FANCC: variants seen among roughly 807,000 people sequenced by gnomAD.
FANCC encodes FA complementation group C.
Under a neutral mutation model 71.3 loss-of-function variants are expected in FANCC, and 55 were observed. The observed-to-expected ratio is 0.77, with a 90% CI of 0.62 to 0.97. The LOEUF (loss-of-function observed/expected upper bound fraction) is 0.97. FANCC is among the 50% of genes least tolerant of loss of function. The pLI is 0.00. For synonymous variants in FANCC, 275 were observed against 244.9 expected (o/e 1.12, Z -1.15); for missense variants, 678 against 670.9 (o/e 1.01, Z -0.12).
chr9:95,255,983 A>G (rs560166714), intron 1 of FANCC, among the ~76,000 whole-genome samples: 87 of 149,400 alleles, frequency 5.8e-4, no homozygotes, highest in African/African-American at 1.8e-3. Context: ...AAGGTTAGAG[A>G]AAAAAAAAAT....
intron 10 of FANCC, among the ~76,000 whole-genome samples, chr9:95,122,047 A>C (rs1395096076): frequency 1.3e-5 from 2 of 151,714 alleles, no homozygotes; most frequent in Non-Finnish European, 2.9e-5. Flanking sequence ...TTTAGTAGAG[A>C]CAGGGTTTCA....
intron 3 of FANCC, among the ~76,000 whole-genome samples, chr9:95,246,995 T>C (rs1428534391): frequency 6.6e-6 from 1 of 152,172 alleles, no homozygotes; most frequent in Non-Finnish European, 1.5e-5. Flanking sequence ...ATTCACACTC[T>C]GAAGAATGAC....
At chr9:95,316,792 C>A (rs909683111) in intron 1 of FANCC, 3 of 152,180 alleles carry the variant, frequency 2.0e-5, no homozygotes, top group African/African-American at 4.8e-5. Context: ...GTAAACGCAC[C>A]CACCTAAAAA....
chr9:95,295,344 CCAAAACAAAACAAAAAA>C (rs1834299878), intron 1 of FANCC, among the ~76,000 whole-genome samples: 1 of 151,890 alleles, frequency 6.6e-6, no homozygotes, highest in Non-Finnish European at 1.5e-5. Context: ...CAGCTCAATA[CCAAAACAAAACAAAAAA>C]CAAAACAAAA....
At chr9:95,123,445 G>C in intron 10 of FANCC, 1 of 459,870 alleles carries the variant, frequency 2.2e-6, no homozygotes, top group Non-Finnish European at 4.4e-6. Context: ...GTTGAGACCA[G>C]CCCGGGCAAC....
rs1835853099 is a variant in FANCC, at chr9:95,317,625, T to C, written c.-178A>G. On this transcript the variant is annotated 5_prime_UTR_variant, in exon 1 of 15. Coordinates refer to ENST00000289081, the MANE Select transcript of FANCC (RefSeq NM_000136.3). The stretch of plus-strand genomic sequence containing the variant: ...CTTGAAAATTTGGCTTTGCCTCGTA[T>C]TGGCTTTTTGAGTTTTTTTGGAATT... 6.6e-6 allele frequency: 1 copy of C among 152,198 alleles called. No homozygotes were observed. The highest frequency in any genetic ancestry group is 2.4e-5 in the African/African-American group (1 of 41,442). 9.4% of individuals were successfully genotyped at this position (152,198 alleles called of 1,614,324 possible). A position where few individuals can be genotyped will look rare whatever the true frequency, so the allele number is the denominator to read the frequency against.
intron 4 of FANCC, among the ~76,000 whole-genome samples, chr9:95,220,944 T>C (rs978709597): frequency 5.3e-5 from 8 of 151,996 alleles, no homozygotes; most frequent in African/African-American, 1.9e-4. Flanking sequence ...TTTAAAAAAC[T>C]GTCTGGGCCG....
At chr9:95,128,010 T>C (rs1014518981) in intron 8 of FANCC, among the ~76,000 whole-genome samples, 1 of 152,242 alleles carries the variant, frequency 6.6e-6, no homozygotes, top group Admixed American at 6.5e-5. Context: ...AGGAACCAAC[T>C]TGATATTCTT....
intron 1 of FANCC, among the ~76,000 whole-genome samples, chr9:95,306,810 T>G (rs780812680): frequency 5.3e-5 from 8 of 152,292 alleles, no homozygotes; most frequent in Non-Finnish European, 1.2e-4. Flanking sequence ...GGGAATTCCT[T>G]AATTATGAGC....
chr9:95,302,081 C>CA (rs375479917), intron 1 of FANCC, among the ~76,000 whole-genome samples: 63,071 of 98,562 alleles, frequency 0.64, 18,795 homozygotes, highest in East Asian at 0.8. Flanking sequence ...GACTCCATCT[C>CA]AAAAAAAAAA....
chr9:95,187,721 G>A lies in FANCC; in HGVS notation c.346-15574C>T, dbSNP rs1458804583. 2.0e-5 allele frequency among the ~76,000 whole-genome samples: 3 copies of A among 151,982 alleles called. No individual in the cohort carries two copies. In the East Asian group the frequency reaches 5.8e-4, roughly 29 times the overall value. On this transcript the variant is annotated intron_variant, in intron 4 of 14. Transcript: ENST00000289081. ...GTGTGTCTTTATCTCCTGTGCACTAGGGAAAGAACCAGGAGAGGACAGCAT... is the reference window on the plus strand; with the variant it reads ...GTGTGTCTTTATCTCCTGTGCACTAAGGAAAGAACCAGGAGAGGACAGCAT...
chr9:95,111,128 CCG>C (rs370848689), intron 13 of FANCC: 1 of 1,533,228 alleles, frequency 6.5e-7, no homozygotes, highest in African/African-American at 1.4e-5. Flanking sequence ...TCAGAACAGC[CCG>C]CCTCTGCAGG....
chr9:95,148,801 C>T (rs1481023500), intron 7 of FANCC, among the ~76,000 whole-genome samples: 2 of 152,328 alleles, frequency 1.3e-5, no homozygotes, highest in Admixed American at 6.5e-5. Flanking sequence ...AGTTAACTGA[C>T]ATAATTTCAG....
chr9:95,115,755 G>A (rs551155531), intron 11 of FANCC, among the ~76,000 whole-genome samples: 23 of 152,144 alleles, frequency 1.5e-4, no homozygotes, highest in Admixed American at 2.6e-4. Context: ...GAACTCCCGC[G>A]GCCCTTGGTG....
chr9:95,242,685 T>G (rs1172193824), intron 3 of FANCC, among the ~76,000 whole-genome samples: 1 of 152,152 alleles, frequency 6.6e-6, no homozygotes, highest in African/African-American at 2.4e-5. Flanking sequence ...CAGAGAAACT[T>G]CCACCCAACC....
intron 4 of FANCC, among the ~76,000 whole-genome samples, chr9:95,213,531 G>A (rs1021611523): frequency 1.3e-5 from 2 of 152,028 alleles, no homozygotes; most frequent in African/African-American, 2.4e-5. Context: ...TTTCAACAAG[G>A]GTGCCAAGAT....
intron 4 of FANCC, among the ~76,000 whole-genome samples, chr9:95,204,524 C>A (rs1171496852): frequency 6.6e-6 from 1 of 152,108 alleles, no homozygotes; most frequent in Non-Finnish European, 1.5e-5. Context: ...GCGGGTTGGC[C>A]TTGGTGTCTT....
intron 1 of FANCC, among the ~76,000 whole-genome samples, chr9:95,314,980 AG>A (rs1835655589): frequency 6.6e-6 from 1 of 152,364 alleles, no homozygotes; most frequent in Admixed American, 6.5e-5. Flanking sequence ...TGGAAATGTA[AG>A]GAACCCTGAA....
intron 1 of FANCC, among the ~76,000 whole-genome samples, chr9:95,250,827 C>T (rs1362235480): frequency 6.6e-6 from 1 of 152,254 alleles, no homozygotes; most frequent in Non-Finnish European, 1.5e-5. Flanking sequence ...GTCTCCAATT[C>T]ATTCTCTATG....
Sources: allele counts gnomAD v4.1 joint callset (sites outside exome capture counted in the v4.1 genomes callset), GRCh38; gene constraint gnomAD v4.1.1; transcripts MANE v1.5; gene names NCBI Gene and HGNC (gene_info 2026-07-23, HGNC 2026-07-21).